Variants in CNTNAP2 observed in about 807,000 individuals in gnomAD.
CNTNAP2 encodes the protein contactin associated protein 2.
A neutral mutation model predicts 155.2 loss-of-function variants in CNTNAP2; 98 were observed. The ratio of observed to expected loss-of-function variants is 0.63; its 90% CI spans 0.54 to 0.75. The LOEUF (loss-of-function observed/expected upper bound fraction) is 0.75, where lower values mean the gene tolerates loss of function less well. Ranked by LOEUF, CNTNAP2 falls within the 30% of genes least tolerant of loss-of-function variation. CNTNAP2 has a pLI of 0.00. For missense variants in CNTNAP2, 1,727 were observed against 1,688.1 expected (o/e 1.02, Z -0.40); for synonymous variants, 651 against 631.2 (o/e 1.03, Z -0.47).
rs557096769 is a variant in CNTNAP2, at chr7:146,368,618, A to G, written c.97+251645A>G. ...GTTAATTTATGATACAGACCTTGATAAGCTGTATGAACCTTACATGATACT... is the reference window on the plus strand; with the variant it reads ...GTTAATTTATGATACAGACCTTGATGAGCTGTATGAACCTTACATGATACT... On this transcript the variant is annotated intron_variant, in intron 1 of 23. Transcript: ENST00000361727. Among the ~76,000 whole-genome samples, 10 of 152,238 alleles carry G rather than the reference A, an allele frequency of 6.6e-5. No homozygotes were observed. In the South Asian group the frequency reaches 1.0e-3, roughly 16 times the overall value.
chr7:148,023,861 A>G (rs1802328663), intron 15 of CNTNAP2, among the ~76,000 whole-genome samples: 1 of 152,148 alleles, frequency 6.6e-6, no homozygotes, highest in East Asian at 1.9e-4. Context: ...ACCTTCTGGG[A>G]TTTTATGAAT....
intron 3 of CNTNAP2, among the ~76,000 whole-genome samples, chr7:146,975,623 T>G (rs138808548): frequency 1.9e-3 from 291 of 152,212 alleles, no homozygotes; most frequent in African/African-American, 6.4e-3. Context: ...AACTAAGATG[T>G]TTTACCCCTC....
intron 1 of CNTNAP2, among the ~76,000 whole-genome samples, chr7:146,132,334 T>C (rs1355823404): frequency 2.6e-5 from 4 of 152,204 alleles, no homozygotes; most frequent in Non-Finnish European, 5.9e-5. Flanking sequence ...TATGCTAATA[T>C]GCATATAAAC....
At chr7:147,348,553 A>T (rs1388041288) in intron 9 of CNTNAP2, among the ~76,000 whole-genome samples, 1 of 152,052 alleles carries the variant, frequency 6.6e-6, no homozygotes, top group African/African-American at 2.4e-5. Context: ...GTAGGAATGT[A>T]AGCTAGTACA....
chr7:146,938,772 C>A (rs183726383), intron 3 of CNTNAP2, among the ~76,000 whole-genome samples: 39 of 152,088 alleles, frequency 2.6e-4, no homozygotes, highest in Non-Finnish European at 4.6e-4. Context: ...CAAAAAATTA[C>A]GCATTTCATT....
intron 13 of CNTNAP2, among the ~76,000 whole-genome samples, chr7:147,807,122 G>C (rs10255443): frequency 0.013 from 2,013 of 151,674 alleles, 42 homozygotes; most frequent in African/African-American, 0.045. Flanking sequence ...GACCATAGTG[G>C]GCACCATAAT....
At chr7:148,200,497 C>A (rs1381750908) in intron 18 of CNTNAP2, among the ~76,000 whole-genome samples, 1 of 151,600 alleles carries the variant, frequency 6.6e-6, no homozygotes, top group African/African-American at 2.4e-5. Flanking sequence ...TGGGCTCAAG[C>A]AATCCTCCCT....
intron 21 of CNTNAP2, among the ~76,000 whole-genome samples, chr7:148,306,763 G>C (rs1797498284): frequency 6.6e-6 from 1 of 151,580 alleles, no homozygotes; most frequent in Non-Finnish European, 1.5e-5. Flanking sequence ...TGGTTGGTTG[G>C]TTGGTGTGTG....
intron 8 of CNTNAP2, among the ~76,000 whole-genome samples, chr7:147,191,550 A>T (rs1705988208): frequency 6.6e-6 from 1 of 152,108 alleles, no homozygotes; most frequent in African/African-American, 2.4e-5. Context: ...GGGTACAGTC[A>T]TGTCTTAGGT....
intron 8 of CNTNAP2, among the ~76,000 whole-genome samples, chr7:147,252,683 A>G (rs1474291956): frequency 6.6e-6 from 1 of 152,108 alleles, no homozygotes; most frequent in Non-Finnish European, 1.5e-5. Flanking sequence ...CTTGGATTCG[A>G]TACTAATTAT....
chr7:148,112,103 C>T (rs6964783), intron 15 of CNTNAP2, among the ~76,000 whole-genome samples: 62,620 of 151,970 alleles, frequency 0.41, 15,440 homozygotes, highest in East Asian at 0.75. Flanking sequence ...GGGACAAAAA[C>T]GTGACTGCAG....
rs1369872635 is a variant in CNTNAP2 at position 146,643,891 on chromosome 7, G to C, written c.98-130380G>C. ...AGGTCCTTCACGTCTCTTGTAAGTT[G>C]GATTCCTAGGTATTTTATTCTCTTT... On this transcript the variant is annotated intron_variant, in intron 1 of 23. Coordinates refer to ENST00000361727, the MANE Select transcript of CNTNAP2 (RefSeq NM_014141.6). 2.0e-5 allele frequency among the ~76,000 whole-genome samples: 3 copies of C among 151,576 alleles called. No individual in the cohort carries two copies. In the South Asian group the frequency reaches 6.3e-4, roughly 32 times the overall value.
intron 1 of CNTNAP2, among the ~76,000 whole-genome samples, chr7:146,734,287 T>A (rs1801574452): frequency 6.6e-6 from 1 of 152,162 alleles, no homozygotes; most frequent in East Asian, 1.9e-4. Context: ...TTGAGCTGTT[T>A]TATTAATATA....
intron 11 of CNTNAP2, among the ~76,000 whole-genome samples, chr7:147,541,330 T>G (rs934820353): frequency 3.9e-5 from 6 of 152,186 alleles, no homozygotes; most frequent in African/African-American, 1.4e-4. Flanking sequence ...AAGCCTCACT[T>G]TCCTCCTTTG....
intron 1 of CNTNAP2, among the ~76,000 whole-genome samples, chr7:146,264,971 G>A (rs577998145): frequency 2.6e-5 from 4 of 152,230 alleles, no homozygotes; most frequent in African/African-American, 9.6e-5. Flanking sequence ...TCATTATAGA[G>A]ACAAACAACA....
At chr7:147,978,635 G>C (rs1801471876) in intron 15 of CNTNAP2, among the ~76,000 whole-genome samples, 1 of 152,120 alleles carries the variant, frequency 6.6e-6, no homozygotes, top group Non-Finnish European at 1.5e-5. Context: ...ATTTTATGTT[G>C]TTTGATACCC....
intron 1 of CNTNAP2, among the ~76,000 whole-genome samples, chr7:146,458,169 A>G (rs1020042807): frequency 3.9e-5 from 6 of 152,146 alleles, no homozygotes; most frequent in African/African-American, 1.2e-4. Flanking sequence ...GGAGAGCATC[A>G]GGAAGAATAG....
chr7:146,294,954 A>G (rs1174347179), intron 1 of CNTNAP2, among the ~76,000 whole-genome samples: 20 of 152,214 alleles, frequency 1.3e-4, no homozygotes, highest in Admixed American at 1.3e-3. Flanking sequence ...TACTACTTTT[A>G]GCCATTAACC....
chr7:147,684,503 T>C (rs975838650), intron 13 of CNTNAP2, among the ~76,000 whole-genome samples: 19 of 151,902 alleles, frequency 1.3e-4, no homozygotes, highest in African/African-American at 3.9e-4. Context: ...GAATTCTTTG[T>C]ACTGGCAAAA....
Sources: allele counts gnomAD v4.1 joint callset (sites outside exome capture counted in the v4.1 genomes callset), GRCh38; gene constraint gnomAD v4.1.1; transcripts MANE v1.5; gene names NCBI Gene and HGNC (gene_info 2026-07-23, HGNC 2026-07-21).